Variants in SYTL2 observed in about 807,000 individuals in gnomAD.
SYTL2 encodes the protein synaptotagmin-like protein 2.
Under a neutral mutation model 198.7 loss-of-function variants are expected in SYTL2, and 165 were observed. The observed-to-expected ratio is 0.83, with a 90% CI of 0.73 to 0.94. The LOEUF (loss-of-function observed/expected upper bound fraction) is 0.94. Among genes scored for constraint, SYTL2 ranks in the 40% least tolerant of loss-of-function variants. The pLI is 0.00. For synonymous variants in SYTL2, 966 were observed against 917.7 expected, an observed-to-expected ratio of 1.05 and a Z score of -0.95; for missense variants, 2,835 against 2,582.8, an observed-to-expected ratio of 1.10 and a Z score of -2.12.
intron 16 of SYTL2, among the ~76,000 whole-genome samples, chr11:85,702,829 A>T (rs1256744581): frequency 6.6e-6 from 1 of 152,238 alleles, no homozygotes; most frequent in Non-Finnish European, 1.5e-5. Flanking sequence ...TAAAAAATAG[A>T]TAAGCAGGAC....
At position 85,727,295 on chromosome 11, in the gene SYTL2, T is replaced by C; in HGVS notation, c.2063A>G (p.Asn688Ser). The change falls in exon 8 of 20, where the codon AAT becomes AGT. Residue 688 changes from asparagine (N) to serine (S), a missense_variant. Physicochemically the swap from Asn to Ser is conservative, Grantham distance 46. Coordinates refer to ENST00000359152, the MANE Select transcript of SYTL2 (RefSeq NM_206927.4). The part of the protein sequence containing the change: ...DAENQVPCNT[N>S]NIGNLGEEEP... ...TTCTTCACCCAAGTTGCCAATATTA[T>C]TAGTGTTGCATGGAACTTGGTTTTC... 3 of 1,535,640 alleles carry C rather than the reference T, an allele frequency of 2.0e-6. No individual in the cohort carries two copies. The highest frequency in any genetic ancestry group is 2.6e-6 in the Non-Finnish European group (3 of 1,146,794).
chr11:85,755,384 G>C (rs761115187), intron 2 of SYTL2, among the ~76,000 whole-genome samples: 3 of 152,200 alleles, frequency 2.0e-5, no homozygotes, highest in Non-Finnish European at 4.4e-5. Context: ...TTGGGAAAAT[G>C]ATGGTAGGTA....
the SYTL2 span, among the ~76,000 whole-genome samples, chr11:85,825,309 AC>A: frequency 7.0e-6 from 1 of 143,274 alleles, no homozygotes; most frequent in South Asian, 2.4e-4. Flanking sequence ...AATGGCGTGA[AC>A]CCGGGAGGCG....
At chr11:85,836,521 T>C in the SYTL2 span, among the ~76,000 whole-genome samples, 1 of 152,022 alleles carries the variant, frequency 6.6e-6, no homozygotes, top group African/African-American at 2.4e-5. Context: ...AGAATAATGG[T>C]AATCAACCCT....
At chr11:85,781,049 T>C (rs929459510) in intron 1 of SYTL2, among the ~76,000 whole-genome samples, 2 of 152,268 alleles carry the variant, frequency 1.3e-5, no homozygotes, top group South Asian at 4.1e-4. Flanking sequence ...GAGTAGAGAA[T>C]AGGAAGAACA....
chr11:85,784,776 C>T (rs959053143), intron 1 of SYTL2, among the ~76,000 whole-genome samples: 2 of 151,996 alleles, frequency 1.3e-5, no homozygotes, highest in African/African-American at 4.8e-5. Flanking sequence ...CACACACACG[C>T]AAAGAATTAT....
chr11:85,742,604 T>C (rs1262218713), intron 4 of SYTL2, among the ~76,000 whole-genome samples: 5 of 152,264 alleles, frequency 3.3e-5, no homozygotes, highest in African/African-American at 1.2e-4. Context: ...GCTGAAGAAC[T>C]ATTTATAGCA....
chr11:85,789,380 A>ATATATATATATATATATATG (rs2092696699), intron 1 of SYTL2, among the ~76,000 whole-genome samples: 1 of 72,272 alleles, frequency 1.4e-5, no homozygotes, highest in Non-Finnish European at 2.8e-5. Flanking sequence ...ATATATATGT[A>ATATATATATATATATATATG]TATATATATA....
rs1056220447 is a variant in SYTL2, at chr11:85,736,369, C to T, written c.586+132G>A. 24 of 561,272 alleles carry T rather than the reference C, an allele frequency of 4.3e-5. 2 individuals are homozygous for T. The highest frequency in any genetic ancestry group is 6.1e-5 in the Non-Finnish European group (20 of 326,338). The allele number at this position is 561,272 out of a possible 1,614,324, so 34.8% of individuals were successfully genotyped here. On this transcript the variant is annotated intron_variant, in intron 6 of 19. Transcript: ENST00000359152. ...CCTCAGGAAGGAAACCAACAAGCAC[C>T]GTAAAATAAGAAAACCATCAGGACT...
chr11:85,801,822 CTTTT>C (rs1289583115), intron 1 of SYTL2, among the ~76,000 whole-genome samples: 2 of 137,452 alleles, frequency 1.5e-5, no homozygotes, highest in Admixed American at 7.4e-5. Context: ...CTTCCCCGTT[CTTTT>C]TTTTTTTTTT....
chr11:85,833,164 AAAG>A, the SYTL2 span, among the ~76,000 whole-genome samples: 1 of 128,204 alleles, frequency 7.8e-6, no homozygotes, highest in Non-Finnish European at 1.6e-5. Flanking sequence ...GGAAAGAAAG[AAAG>A]AAAGAAAGAA....
At chr11:85,807,984 T>G (rs927823408) in intron 1 of SYTL2, among the ~76,000 whole-genome samples, 1 of 152,226 alleles carries the variant, frequency 6.6e-6, no homozygotes, top group Non-Finnish European at 1.5e-5. Context: ...AATTTGTTAA[T>G]ATAGATGCAA....
intron 1 of SYTL2, among the ~76,000 whole-genome samples, chr11:85,800,446 T>A (rs974848885): frequency 8.5e-6 from 1 of 117,110 alleles, no homozygotes; most frequent in Admixed American, 8.8e-5. Context: ...CTGCTAATTT[T>A]TTTCTATTTT....
intron 1 of SYTL2, among the ~76,000 whole-genome samples, chr11:85,803,856 G>A (rs2092923773): frequency 6.6e-6 from 1 of 152,156 alleles, no homozygotes; most frequent in Non-Finnish European, 1.5e-5. Context: ...ACTTTAGAGA[G>A]TAGTCCTGCC....
rs780800874 is a variant in SYTL2 at position 85,734,390 on chromosome 11, C to T, written c.939G>A (p.Glu313=). ...PGLTIHERIS[E]KEHSLEDNSS... Reference sequence around the variant, plus strand: ...AGTTGTCTTCTAAAGAATGCTCCTTCTCAGAAATTCTCTCATGGATGGTTA... The same window carrying T: ...AGTTGTCTTCTAAAGAATGCTCCTTTTCAGAAATTCTCTCATGGATGGTTA... Residue 313 remains glutamate (E), a synonymous_variant, in exon 7 of 20, where the codon GAG becomes GAA. Coordinates refer to ENST00000359152, the MANE Select transcript of SYTL2 (RefSeq NM_206927.4). 28 of 1,614,198 alleles carry T rather than the reference C, an allele frequency of 1.7e-5. No homozygotes were observed. The South Asian group carries it at 3.1e-4, about 18-fold the overall frequency.
chr11:85,739,823 T>C (rs1333074398), intron 4 of SYTL2, among the ~76,000 whole-genome samples: 2 of 152,120 alleles, frequency 1.3e-5, no homozygotes, highest in Non-Finnish European at 2.9e-5. Flanking sequence ...CCAAAGACAA[T>C]CATGGTAATG....
In SYTL2 at chr11:85,736,535, AT is replaced by A. The variant is rs1204894428; in HGVS notation, c.551del (p.Asn184MetfsTer32). 6.2e-7 allele frequency: 1 copy of A among 1,602,752 alleles called. No homozygotes were observed. The highest frequency in any genetic ancestry group is 8.5e-7 in the Non-Finnish European group (1 of 1,171,648). On this transcript the variant is annotated frameshift_variant, in exon 6 of 20. Transcript: ENST00000359152. LOFTEE classifies it high-confidence loss of function. The part of the protein sequence containing the change: ...SQQTKNEQSK[N>X]GRTGLFQTSK... ...AAGTCTGAAATAAACCAGTTCTTCC[AT>A]TTTTTGACTGTTCATTTTTAGTTTG...
chr11:85,700,214 T>C (rs1358366653), intron 17 of SYTL2, among the ~76,000 whole-genome samples: 1 of 152,172 alleles, frequency 6.6e-6, no homozygotes, highest in African/African-American at 2.4e-5. Context: ...AGGTTCAGAT[T>C]TGCAAGATGA....
intron 1 of SYTL2, among the ~76,000 whole-genome samples, chr11:85,782,344 C>G (rs974511854): frequency 6.6e-6 from 1 of 152,162 alleles, no homozygotes; most frequent in African/African-American, 2.4e-5. Context: ...AGCAGGGGGG[C>G]CCTGGACCCA....
Sources: gnomAD v4.1 joint callset for allele counts (sites outside exome capture counted in the v4.1 genomes callset) on GRCh38, gnomAD v4.1.1 for gene constraint, MANE v1.5 for transcripts, NCBI Gene and HGNC (gene_info 2026-07-23, HGNC 2026-07-21) for gene names.